Variants in TENM3 observed in about 807,000 individuals in gnomAD.
TENM3 encodes the protein teneurin-3.
Under a neutral mutation model 255.1 loss-of-function variants are expected in TENM3, and 63 were observed. The observed-to-expected ratio is 0.25, with a 90% CI of 0.20 to 0.30. The LOEUF (loss-of-function observed/expected upper bound fraction) is 0.30. TENM3 is among the 10% of genes least tolerant of loss of function. The pLI is 1.00. For missense variants in TENM3, 2,929 were observed against 3,461.1 expected, an observed-to-expected ratio of 0.85 and a Z score of 3.86; for synonymous variants, 1,306 against 1,322.3, an observed-to-expected ratio of 0.99 and a Z score of 0.27.
the TENM3 span, among the ~76,000 whole-genome samples, chr4:181,625,813 CA>C: frequency 7.2e-3 from 1,038 of 144,648 alleles, 5 homozygotes; most frequent in Middle Eastern, 0.011. Flanking sequence ...GACTCTGTCT[CA>C]AAAAAAAATA....
At chr4:182,562,328 G>A (rs1269506093) in intron 3 of TENM3, among the ~76,000 whole-genome samples, 2 of 152,124 alleles carry the variant, frequency 1.3e-5, no homozygotes, top group Admixed American at 6.5e-5. Context: ...AGTGTCACGG[G>A]ATGGTGAGTG....
At chr4:182,089,891 T>G in the TENM3 span, among the ~76,000 whole-genome samples, 1 of 152,232 alleles carries the variant, frequency 6.6e-6, no homozygotes, top group Non-Finnish European at 1.5e-5. Flanking sequence ...GCTATAAGTA[T>G]CTTTGAGGAA....
chr4:182,360,269 G>T (rs1487386570), intron 3 of TENM3, among the ~76,000 whole-genome samples: 1 of 127,178 alleles, frequency 7.9e-6, no homozygotes, highest in South Asian at 3.1e-4. Flanking sequence ...CAATTCCTGG[G>T]TATCCTTGTT....
chr4:181,563,585 A>G, the TENM3 span, among the ~76,000 whole-genome samples: 1 of 152,216 alleles, frequency 6.6e-6, no homozygotes, highest in Non-Finnish European at 1.5e-5. Context: ...AAAAGAAAGG[A>G]TGTGGGACTT....
At chr4:182,021,910 C>G in the TENM3 span, among the ~76,000 whole-genome samples, 1 of 152,132 alleles carries the variant, frequency 6.6e-6, no homozygotes, top group South Asian at 2.1e-4. Context: ...GGCAAGGCTG[C>G]AGAGAATAGG....
At chr4:182,117,741 A>G in the TENM3 span, among the ~76,000 whole-genome samples, 1 of 152,128 alleles carries the variant, frequency 6.6e-6, no homozygotes, top group Non-Finnish European at 1.5e-5. Context: ...CAGTCCTCTG[A>G]CTTTGCTCTT....
chr4:182,625,747 A>G (rs904083519), intron 4 of TENM3, among the ~76,000 whole-genome samples: 1 of 152,184 alleles, frequency 6.6e-6, no homozygotes, highest in African/African-American at 2.4e-5. Flanking sequence ...TCCAAGCTTC[A>G]CAAGAGGCAT....
intron 2 of TENM3, 41 bp from the exon 3 acceptor site, chr4:182,346,610 C>A: frequency 1.3e-6 from 2 of 1,501,452 alleles, no homozygotes; most frequent in South Asian, 1.2e-5. Context: ...TAACACTGAA[C>A]ATATACTCAC....
the TENM3 span, among the ~76,000 whole-genome samples, chr4:181,948,072 C>A: frequency 2.6e-5 from 4 of 152,206 alleles, no homozygotes; most frequent in Non-Finnish European, 5.9e-5. Context: ...CGAGCACTCA[C>A]TCTCAGGGAG....
chr4:182,212,462 A>C (rs1755114575), intron 1 of TENM3, among the ~76,000 whole-genome samples: 1 of 152,118 alleles, frequency 6.6e-6, no homozygotes, highest in Admixed American at 6.5e-5. Context: ...TCTTGTACTC[A>C]GGGCTCTGAC....
At chr4:181,699,460 AAAAAAAAAAAAAG>A in the TENM3 span, among the ~76,000 whole-genome samples, 27 of 148,990 alleles carry the variant, frequency 1.8e-4, no homozygotes, top group African/African-American at 6.4e-4. Context: ...AAAAAAAAAA[AAAAAAAAAAAAAG>A]AAAGAAAGAA....
At chr4:181,920,115 T>G in the TENM3 span, among the ~76,000 whole-genome samples, 16 of 152,226 alleles carry the variant, frequency 1.1e-4, no homozygotes, top group Middle Eastern at 3.4e-3. Flanking sequence ...TGCCACATTT[T>G]CTTAATCCAG....
chr4:181,782,751 G>T, the TENM3 span, among the ~76,000 whole-genome samples: 1 of 152,058 alleles, frequency 6.6e-6, no homozygotes, highest in African/African-American at 2.4e-5. Context: ...TTTTCTTGCG[G>T]GTGTTTAGTG....
intron 5 of TENM3, among the ~76,000 whole-genome samples, chr4:182,642,172 G>T (rs759466193): frequency 6.6e-6 from 1 of 152,202 alleles, no homozygotes; most frequent in Non-Finnish European, 1.5e-5. Context: ...GATCGTGACG[G>T]TTAACACTTT....
rs1766930324 is a variant in TENM3, at chr4:182,801,156, C to T, written c.*805C>T. The T allele has an allele frequency of 6.6e-6, 1 of 152,400 alleles. No homozygotes were observed. The highest frequency in any genetic ancestry group is 1.5e-5 in the Non-Finnish European group (1 of 68,008). The allele number at this position is 152,400 out of a possible 1,614,324, so 9.4% of individuals were successfully genotyped here. A position where few individuals can be genotyped will look rare whatever the true frequency, so the allele number is the denominator to read the frequency against. On this transcript the variant is annotated 3_prime_UTR_variant, in exon 28 of 28. Coordinates refer to ENST00000511685, the MANE Select transcript of TENM3 (RefSeq NM_001080477.4). ...CTGTGTGATTTTTTTAAAAGGATTGCACCTTTTGTTATCTGTTATAGCTGT... is the reference window on the plus strand; with the variant it reads ...CTGTGTGATTTTTTTAAAAGGATTGTACCTTTTGTTATCTGTTATAGCTGT...
At chr4:182,790,969 C>A (rs1337058842) in intron 25 of TENM3, among the ~76,000 whole-genome samples, 1 of 152,134 alleles carries the variant, frequency 6.6e-6, no homozygotes, top group Non-Finnish European at 1.5e-5. Context: ...CTCATCGTCT[C>A]TCCCAAAACC....
chr4:182,642,634 A>C (rs1752413729), intron 5 of TENM3, among the ~76,000 whole-genome samples: 1 of 152,338 alleles, frequency 6.6e-6, no homozygotes, highest in African/African-American at 2.4e-5. Context: ...GAAAAACAGC[A>C]TAGAAATATA....
intron 3 of TENM3, among the ~76,000 whole-genome samples, chr4:182,472,471 A>C (rs1203921533): frequency 6.6e-6 from 1 of 152,162 alleles, no homozygotes; most frequent in African/African-American, 2.4e-5. Flanking sequence ...TTCTAGGTTT[A>C]ATTCATTGAT....
chr4:181,466,991 C>A, the TENM3 span, among the ~76,000 whole-genome samples: 60 of 148,306 alleles, frequency 4.0e-4, 1 homozygote, highest in Admixed American at 4.0e-3. Context: ...CTTTACAAAT[C>A]TATTTTAGGT....
Sources: allele counts gnomAD v4.1 joint callset (sites outside exome capture counted in the v4.1 genomes callset), GRCh38; gene constraint gnomAD v4.1.1; transcripts MANE v1.5; gene names NCBI Gene and HGNC (gene_info 2026-07-23, HGNC 2026-07-21).